Variants in SLC45A4 observed in about 807,000 individuals in gnomAD.
SLC45A4 encodes the protein solute carrier family 45 member 4, also known as polyamine-transporter SLC45A4.
SLC45A4 carries 32 observed loss-of-function variants against 63.7 expected under a neutral mutation model. The ratio of observed to expected loss-of-function variants is 0.50; its 90% CI spans 0.38 to 0.67. The LOEUF (loss-of-function observed/expected upper bound fraction) is 0.67. Among genes scored for constraint, SLC45A4 ranks in the 30% least tolerant of loss-of-function variants. SLC45A4 has a pLI of 0.00. For missense variants in SLC45A4, 1,027 were observed against 1,157.7 expected (o/e 0.89, Z 1.64); for synonymous variants, 535 against 510.0 (o/e 1.05, Z -0.66).
At position 141,249,865 on chromosome 8, in the gene SLC45A4, G is replaced by A. The variant is rs563132879; in HGVS notation, c.241+4124C>T. Among the ~76,000 whole-genome samples, 7 of 152,288 alleles carry A rather than the reference G, an allele frequency of 4.6e-5. No homozygotes were observed. The East Asian group carries it at 9.6e-4, about 21-fold the overall frequency. On this transcript the variant is annotated intron_variant, in intron 2 of 8. Transcript: ENST00000517878. ...TGTTGTCTGGACTCAATCTAAGCAC[G>A]TCTAAGAACAAACTCATTAAAGCCC...
At chr8:141,290,692 T>C (rs1248200070) in intron 1 of SLC45A4, among the ~76,000 whole-genome samples, 1 of 152,214 alleles carries the variant, frequency 6.6e-6, no homozygotes, top group Admixed American at 6.5e-5. Context: ...ACAGCTCCCA[T>C]GAACGACCAG....
chr8:141,267,199 C>A (rs989512681), intron 1 of SLC45A4, among the ~76,000 whole-genome samples: 1 of 152,272 alleles, frequency 6.6e-6, no homozygotes, highest in Non-Finnish European at 1.5e-5. Flanking sequence ...CTCTGGCCTT[C>A]CCTTGGCCTC....
rs147968355 is a variant in SLC45A4, at chr8:141,276,626, G to A, written c.-400-21997C>T. Among the ~76,000 whole-genome samples, 39 of 152,176 alleles carry A rather than the reference G, an allele frequency of 2.6e-4. No individual in the cohort carries two copies. The East Asian group carries it at 6.6e-3, about 26-fold the overall frequency. ...CTCACTCGGACTCTGCCCCAGTGTC[G>A]CCCACGCCTCTGCACAGCACTGCAC... On this transcript the variant is annotated intron_variant, in intron 1 of 8. Coordinates refer to ENST00000517878, the MANE Select transcript of SLC45A4 (RefSeq NM_001286646.2).
At chr8:141,212,704 C>G in intron 7 of SLC45A4, 148 bp from the exon 8 acceptor site, 1 of 949,946 alleles carries the variant, frequency 1.1e-6, no homozygotes, top group South Asian at 1.7e-5. Context: ...TGAGCACCCT[C>G]AATCCCCCAG....
chr8:141,222,598 G>A (rs887757135), intron 2 of SLC45A4, among the ~76,000 whole-genome samples: 2 of 152,202 alleles, frequency 1.3e-5, no homozygotes, highest in Non-Finnish European at 2.9e-5. Flanking sequence ...CCCTATCACA[G>A]AAACCCGCGT....
At chr8:141,248,758 T>C (rs1313281738) in intron 2 of SLC45A4, among the ~76,000 whole-genome samples, 1 of 151,894 alleles carries the variant, frequency 6.6e-6, no homozygotes, top group Non-Finnish European at 1.5e-5. Context: ...CTCACATCTG[T>C]AATTACAGCA....
At chr8:141,214,081 G>A (rs751036125) in intron 7 of SLC45A4, among the ~76,000 whole-genome samples, 2 of 151,646 alleles carry the variant, frequency 1.3e-5, no homozygotes, top group Non-Finnish European at 2.9e-5. Context: ...GGTGGCAGGC[G>A]CCTGTAGTTC....
chr8:141,207,304 A>G lies in SLC45A4; in HGVS notation c.*4268T>C, dbSNP rs535817845. ...CGCAGGACAGAGGGGCGCGGACAGC[A>G]GCGCATGCCACAAACATTCACCTGG... is the stretch of plus-strand genomic sequence containing the variant. On this transcript the variant is annotated 3_prime_UTR_variant, in exon 9 of 9. Transcript: ENST00000517878. 1 of 152,482 alleles carries G rather than the reference A, an allele frequency of 6.6e-6. No individual in the cohort carries two copies. Among genetic ancestry groups the G allele is most frequent in the African/African-American group, 2.4e-5 (1 of 41,578 alleles). 9.4% of individuals were successfully genotyped at this position (152,482 alleles called of 1,614,324 possible). A position where few individuals can be genotyped will look rare whatever the true frequency, so the allele number is the denominator to read the frequency against.
intron 8 of SLC45A4, 55 bp downstream of exon 8, chr8:141,212,142 G>GCCCTTCCCCCCCCC: frequency 2.0e-6 from 1 of 491,698 alleles, no homozygotes; most frequent in Non-Finnish European, 2.4e-6. Context: ...CCCGCCGCCC[G>GCCCTTCCCCCCCCC]CCCGCCCGCC....
intron 2 of SLC45A4, among the ~76,000 whole-genome samples, chr8:141,251,095 C>A (rs35740590): frequency 0.041 from 6,272 of 152,220 alleles, 189 homozygotes; most frequent in Non-Finnish European, 0.065. Flanking sequence ...TTTGTCACCA[C>A]GACCACAACT....
At chr8:141,282,080 G>A (rs1468266370) in intron 1 of SLC45A4, among the ~76,000 whole-genome samples, 4 of 152,180 alleles carry the variant, frequency 2.6e-5, no homozygotes, top group Non-Finnish European at 4.4e-5. Flanking sequence ...AGAGCAAATC[G>A]AAGGATGCAT....
intron 4 of SLC45A4, among the ~76,000 whole-genome samples, chr8:141,219,405 G>C (rs1273773441): frequency 6.6e-6 from 1 of 152,148 alleles, no homozygotes; most frequent in African/African-American, 2.4e-5. Context: ...GTGCCAGCAT[G>C]CATGTCACCC....
intron 2 of SLC45A4, among the ~76,000 whole-genome samples, chr8:141,253,591 TC>T (rs1308082666): frequency 1.3e-5 from 2 of 152,158 alleles, no homozygotes; most frequent in Non-Finnish European, 2.9e-5. Context: ...ACAGAAGGGC[TC>T]CCGAATTCGC....
rs1217137417 is a variant in SLC45A4 at position 141,207,361 on chromosome 8, T to G, written c.*4211A>C. 6.6e-6 allele frequency: 1 copy of G among 152,222 alleles called. No homozygotes were observed. The highest frequency in any genetic ancestry group is 1.9e-4 in the East Asian group (1 of 5,188). 9.4% of individuals were successfully genotyped at this position (152,222 alleles called of 1,614,324 possible). Reference sequence around the variant, plus strand: ...AACAGAGCAGAACCTAAGGGCTCTGTGTACACACAGACACAAACATGAGGC... The same window carrying G: ...AACAGAGCAGAACCTAAGGGCTCTGGGTACACACAGACACAAACATGAGGC... On this transcript the variant is annotated 3_prime_UTR_variant, in exon 9 of 9. Coordinates refer to ENST00000517878, the MANE Select transcript of SLC45A4 (RefSeq NM_001286646.2).
chr8:141,296,222 T>G (rs1430026166), intron 1 of SLC45A4, among the ~76,000 whole-genome samples: 1 of 152,006 alleles, frequency 6.6e-6, no homozygotes, highest in Non-Finnish European at 1.5e-5. Context: ...TCCCAGCTAC[T>G]CAGGAGGCTG....
intron 1 of SLC45A4, among the ~76,000 whole-genome samples, chr8:141,286,864 C>T (rs1830168013): frequency 6.6e-6 from 1 of 151,964 alleles, no homozygotes; most frequent in Non-Finnish European, 1.5e-5. Context: ...TTAAACCTTA[C>T]AACGAAGCCA....
intron 4 of SLC45A4, 47 bp from the exon 5 acceptor site, chr8:141,219,076 CAG>C: frequency 6.3e-7 from 1 of 1,576,278 alleles, no homozygotes; most frequent in South Asian, 1.2e-5. Context: ...CACCAGGCCA[CAG>C]GGGGGGAAGC....
rs903020031 is a variant in SLC45A4 at position 141,254,702 on chromosome 8, G to A, written c.-400-73C>T. ...CAGATGGCCCTGTGGACCGCCGCCC[G>A]ACCCCCGAGCAAGCCGTGTGCCCCG... On this transcript the variant is annotated intron_variant, in intron 1 of 8. Transcript: ENST00000517878. This position sits in a 1 kb window ranked among gnomAD's most constrained non-coding sequence, Gnocchi z 4.5. 15 of 692,026 alleles carry A rather than the reference G, an allele frequency of 2.2e-5. No individual in the cohort carries two copies. The highest frequency in any genetic ancestry group is 8.1e-5 in the Admixed American group (4 of 49,592). 42.9% of individuals were successfully genotyped at this position (692,026 alleles called of 1,614,324 possible).
intron 1 of SLC45A4, among the ~76,000 whole-genome samples, chr8:141,300,287 A>G (rs371261835): frequency 6.6e-6 from 1 of 152,196 alleles, no homozygotes; most frequent in African/African-American, 2.4e-5. Flanking sequence ...TATGTCATAA[A>G]ACCATCACAC....
Sources: gnomAD v4.1 joint callset for allele counts (sites outside exome capture counted in the v4.1 genomes callset) on GRCh38, gnomAD v4.1.1 for gene constraint, Gnocchi (gnomAD v3.1) non-coding constraint, MANE v1.5 for transcripts, NCBI Gene and HGNC (gene_info 2026-07-23, HGNC 2026-07-21) for gene names.